RPE: variants seen among roughly 807,000 people sequenced by gnomAD.
RPE encodes the protein ribulose-phosphate 3-epimerase.
A neutral mutation model predicts 24.6 loss-of-function variants in RPE; 16 were observed. The observed-to-expected ratio is 0.65, with a 90% CI of 0.44 to 0.99. RPE has a LOEUF of 0.99. RPE is among the 50% of genes least tolerant of loss of function. The pLI, the probability that RPE is intolerant of heterozygous loss-of-function variation, is 0.00. For synonymous variants in RPE, 93 were observed against 98.4 expected, an observed-to-expected ratio of 0.94 and a Z score of 0.33; for missense variants, 240 against 294.5, an observed-to-expected ratio of 0.81 and a Z score of 1.35.
At chr2:210,015,770 G>GT (rs967759754) in intron 2 of RPE, among the ~76,000 whole-genome samples, 12 of 152,214 alleles carry the variant, frequency 7.9e-5, no homozygotes, top group Middle Eastern at 3.4e-3. Flanking sequence ...GGAAAATAGT[G>GT]TTTTTTGTAA....
intron 1 of RPE, among the ~76,000 whole-genome samples, chr2:210,008,146 A>G (rs1303842134): frequency 6.6e-6 from 1 of 152,188 alleles, no homozygotes; most frequent in African/African-American, 2.4e-5. Context: ...CAACTATACG[A>G]TAGCAGTAGG....
At chr2:210,005,545 C>G (rs2093619377) in intron 1 of RPE, among the ~76,000 whole-genome samples, 2 of 151,874 alleles carry the variant, frequency 1.3e-5, no homozygotes. Context: ...ACCATGGGAA[C>G]AGAGCAAAGA....
chr2:210,018,734 A>G, intron 5 of RPE: 2 of 982,838 alleles, frequency 2.0e-6, no homozygotes, highest in Non-Finnish European at 2.4e-6. Context: ...TTTTGTGTGA[A>G]AAATCAGACC....
At chr2:210,010,751 C>T (rs976791862) in intron 2 of RPE, among the ~76,000 whole-genome samples, 5 of 152,040 alleles carry the variant, frequency 3.3e-5, no homozygotes, top group Non-Finnish European at 5.9e-5. Flanking sequence ...AACCCTGTCT[C>T]TACTAAAAAT....
At chr2:210,010,538 A>G (rs2093685890) in intron 2 of RPE, among the ~76,000 whole-genome samples, 1 of 152,180 alleles carries the variant, frequency 6.6e-6, no homozygotes, top group Admixed American at 6.5e-5. Flanking sequence ...TGCTAGGATT[A>G]CAGGCTTGAG....
rs951706542 is a variant in RPE, at chr2:210,002,681, T to G, written c.20T>G (p.Ile7Ser). The G allele has an allele frequency of 8.1e-6, 13 of 1,613,734 alleles. No individual in the cohort carries two copies. The highest frequency in any genetic ancestry group is 2.7e-5 in the African/African-American group (2 of 74,934). Residue 7 changes from isoleucine to serine, a missense_variant, in exon 1 of 6, where the codon ATT becomes AGT. Transcript: ENST00000359429. MASGCK[I>S]GPSILNSDLA... ...AGCGGTATGGCGTCGGGCTGCAAGA[T>G]TGGCCCGTCCATCCTCAACAGCGAC...
At chr2:210,007,493 C>G (rs1473496652) in intron 1 of RPE, among the ~76,000 whole-genome samples, 1 of 152,200 alleles carries the variant, frequency 6.6e-6, no homozygotes, top group African/African-American at 2.4e-5. Context: ...GGACAAAAGT[C>G]CAGACACTGA....
chr2:210,014,575 T>C (rs532938650), intron 2 of RPE, among the ~76,000 whole-genome samples: 5 of 152,018 alleles, frequency 3.3e-5, no homozygotes, highest in Admixed American at 6.5e-5. Flanking sequence ...AGAGGATCAC[T>C]TGTGGCCAGA....
In RPE at chr2:210,016,636, C is replaced by T. The variant is rs2093776270; in HGVS notation, c.472C>T (p.Pro158Ser). Reference sequence around the variant, plus strand: ...GCAGAAATTCATGGAAGATATGATGCCAAAGGTAAAAGAAGTATTTGATTT... The same window carrying T: ...GCAGAAATTCATGGAAGATATGATGTCAAAGGTAAAAGAAGTATTTGATTT... The part of the protein sequence containing the change: ...GGQKFMEDMM[P>S]KVHWLRTQFP... The change falls in exon 4 of 6, where the codon CCA (proline) becomes TCA (serine). Residue 158 changes from proline to serine, a missense_variant. Transcript: ENST00000359429. 2 of 1,613,914 alleles carry T rather than the reference C, an allele frequency of 1.2e-6. No homozygotes were observed. The highest frequency in any genetic ancestry group is 1.3e-5 in the African/African-American group (1 of 74,886).
chr2:210,011,529 C>A (rs1047456941), intron 2 of RPE, among the ~76,000 whole-genome samples: 2 of 152,150 alleles, frequency 1.3e-5, no homozygotes, highest in Non-Finnish European at 2.9e-5. Flanking sequence ...CACACACAAT[C>A]TGCTTTTTCT....
rs1167066730 is a variant in RPE, at chr2:210,021,038, A to G, written c.*1247A>G. On this transcript the variant is annotated 3_prime_UTR_variant, in exon 6 of 6. Transcript: ENST00000359429. ...AACTATGGATCTTGACCCCAAGGATATATTATTTTATTCCAAGAAAGATCA... is the reference window on the plus strand; with the variant it reads ...AACTATGGATCTTGACCCCAAGGATGTATTATTTTATTCCAAGAAAGATCA... 3 of 152,138 alleles carry G rather than the reference A, an allele frequency of 2.0e-5. No individual in the cohort carries two copies. The South Asian group carries it at 6.2e-4, about 31-fold the overall frequency. 9.4% of individuals were successfully genotyped at this position (152,138 alleles called of 1,614,324 possible).
chr2:210,011,096 C>G (rs2093693596), intron 2 of RPE, among the ~76,000 whole-genome samples: 1 of 152,074 alleles, frequency 6.6e-6, no homozygotes, highest in African/African-American at 2.4e-5. Context: ...TAGGATCTAT[C>G]TACTTTGAGT....
At chr2:210,017,088 C>T (rs925204031) in intron 4 of RPE, among the ~76,000 whole-genome samples, 1 of 152,176 alleles carries the variant, frequency 6.6e-6, no homozygotes, top group Non-Finnish European at 1.5e-5. Context: ...AAGCTGTCCT[C>T]CCACCTTGGT....
intron 2 of RPE, among the ~76,000 whole-genome samples, chr2:210,012,769 A>G (rs2093717963): frequency 6.6e-6 from 1 of 152,246 alleles, no homozygotes; most frequent in Admixed American, 6.5e-5. Flanking sequence ...GAATTTTAAA[A>G]AACTTGTGTA....
chr2:210,017,900 A>G, intron 5 of RPE: 1 of 540,776 alleles, frequency 1.8e-6, no homozygotes, highest in Non-Finnish European at 3.3e-6. Flanking sequence ...ACCTGCCACC[A>G]TGCTTGGCTA....
Position 210,016,642 on chromosome 2 carries a change from G to T in RPE, c.477+1G>T, listed in dbSNP as rs775622088. 1 of 1,614,158 alleles carries T rather than the reference G, an allele frequency of 6.2e-7. No individual in the cohort carries two copies. The highest frequency in any genetic ancestry group is 8.5e-7 in the Non-Finnish European group (1 of 1,180,034). ...ATTCATGGAAGATATGATGCCAAAG[G>T]TAAAAGAAGTATTTGATTTTGGGGT... On this transcript the variant is annotated splice_donor_variant, in intron 4 of 5. Coordinates refer to ENST00000359429, the MANE Select transcript of RPE (RefSeq NM_199229.3). LOFTEE classifies it high-confidence loss of function.
At chr2:210,010,677 A>G (rs2093688036) in intron 2 of RPE, among the ~76,000 whole-genome samples, 1 of 152,166 alleles carries the variant, frequency 6.6e-6, no homozygotes. Context: ...GGTAGTCATA[A>G]GCCACATGTA....
At chr2:210,005,640 A>G (rs2093620775) in intron 1 of RPE, among the ~76,000 whole-genome samples, 1 of 152,044 alleles carries the variant, frequency 6.6e-6, no homozygotes, top group Non-Finnish European at 1.5e-5. Context: ...GGGAAAAAAA[A>G]AAACAGTTCA....
chr2:210,018,468 T>C, intron 5 of RPE: 1 of 985,128 alleles, frequency 1.0e-6, no homozygotes, highest in Non-Finnish European at 1.2e-6. Context: ...CTGGTAGCAC[T>C]GCAAGTGATT....
Sources: allele counts gnomAD v4.1 joint callset (sites outside exome capture counted in the v4.1 genomes callset), GRCh38; gene constraint gnomAD v4.1.1; transcripts MANE v1.5; gene names NCBI Gene and HGNC (gene_info 2026-07-23, HGNC 2026-07-21).